The following TRAK1 variants were observed in gnomAD, a reference collection of about 807,000 sequenced individuals.
TRAK1 encodes trafficking kinesin-binding protein 1.
In TRAK1, 33 loss-of-function variants were observed where a neutral mutation model predicts 92.1. The observed-to-expected ratio is 0.36, with a 90% CI of 0.27 to 0.48. The LOEUF (loss-of-function observed/expected upper bound fraction) is 0.48. Ranked by LOEUF, TRAK1 falls within the 20% of genes least tolerant of loss-of-function variation. The pLI is 0.99. For missense variants in TRAK1, 1,123 were observed against 1,257.9 expected (o/e 0.89, Z 1.62); for synonymous variants, 521 against 517.3 (o/e 1.01, Z -0.10).
intron 1 of TRAK1, among the ~76,000 whole-genome samples, chr3:42,078,747 C>T (rs1216064419): frequency 2.6e-4 from 25 of 95,634 alleles, no homozygotes; most frequent in African/African-American, 7.0e-4. Context: ...AGGGAGATTC[C>T]ATCTCAAAAA....
chr3:42,128,845 A>G (rs974499580), intron 2 of TRAK1, among the ~76,000 whole-genome samples: 9 of 110,910 alleles, frequency 8.1e-5, no homozygotes. Flanking sequence ...ACAGTTGGGT[A>G]GAGCTGTTTT....
intron 1 of TRAK1, among the ~76,000 whole-genome samples, chr3:42,015,081 T>C (rs1259522740): frequency 6.6e-6 from 1 of 152,098 alleles, no homozygotes; most frequent in Non-Finnish European, 1.5e-5. Flanking sequence ...TCTCCCCAGA[T>C]TGAGTGAAGG....
chr3:42,016,796 A>G (rs765658422), intron 1 of TRAK1, among the ~76,000 whole-genome samples: 1 of 152,228 alleles, frequency 6.6e-6, no homozygotes, highest in Non-Finnish European at 1.5e-5. Flanking sequence ...CAAGTAAGAA[A>G]GGCATTGGAG....
At chr3:42,183,088 AG>A (rs1346614782) in intron 3 of TRAK1, among the ~76,000 whole-genome samples, 1 of 152,248 alleles carries the variant, frequency 6.6e-6, no homozygotes, top group Non-Finnish European at 1.5e-5. Context: ...GTACTCATAT[AG>A]GTGAATATGT....
intron 2 of TRAK1, among the ~76,000 whole-genome samples, chr3:42,163,521 T>TCG (rs1206894642): frequency 6.7e-6 from 1 of 149,914 alleles, no homozygotes; most frequent in Non-Finnish European, 1.5e-5. Flanking sequence ...TGAGCCAAGA[T>TCG]CGCGCCACTG....
At chr3:42,043,623 G>C (rs921366694) in intron 1 of TRAK1, among the ~76,000 whole-genome samples, 18 of 152,068 alleles carry the variant, frequency 1.2e-4, no homozygotes, top group Admixed American at 3.3e-4. Context: ...GCTGGGGGGG[G>C]GGCGGGGGGA....
At chr3:42,213,035 T>A (rs1017791112) in intron 14 of TRAK1, among the ~76,000 whole-genome samples, 1 of 151,518 alleles carries the variant, frequency 6.6e-6, no homozygotes, top group Admixed American at 6.6e-5. Flanking sequence ...AGTAGAACCA[T>A]GTCCTAATTG....
intron 2 of TRAK1, among the ~76,000 whole-genome samples, chr3:42,133,785 A>G (rs1350651363): frequency 6.6e-6 from 1 of 152,226 alleles, no homozygotes; most frequent in African/African-American, 2.4e-5. Context: ...TGTAGTGCAT[A>G]ATCCTCTTTT....
At chr3:42,073,443 A>G (rs1704021438) in intron 1 of TRAK1, among the ~76,000 whole-genome samples, 1 of 152,174 alleles carries the variant, frequency 6.6e-6, no homozygotes, top group Non-Finnish European at 1.5e-5. Context: ...TACATCTACA[A>G]TTATTTGAGA....
At chr3:42,077,396 C>A (rs1336490688) in intron 1 of TRAK1, among the ~76,000 whole-genome samples, 1 of 152,206 alleles carries the variant, frequency 6.6e-6, no homozygotes, top group Non-Finnish European at 1.5e-5. Context: ...TCAAGCAATT[C>A]TTTTGCCTCA....
intron 2 of TRAK1, among the ~76,000 whole-genome samples, chr3:42,162,901 T>A (rs1440721319): frequency 6.6e-6 from 1 of 152,222 alleles, no homozygotes; most frequent in African/African-American, 2.4e-5. Context: ...TTTATGTAGA[T>A]ACATGTATTA....
chr3:42,149,275 G>T, intron 2 of TRAK1: 1 of 1,362,368 alleles, frequency 7.3e-7, no homozygotes, highest in African/African-American at 1.5e-5. Flanking sequence ...TGGCAGTGCT[G>T]CCAGGGTCTC....
At chr3:42,050,184 T>TG (rs201181899) in intron 1 of TRAK1, among the ~76,000 whole-genome samples, 57 of 133,190 alleles carry the variant, frequency 4.3e-4, no homozygotes, top group African/African-American at 1.4e-3. Context: ...GAACTGAGGG[T>TG]GGGGGGGTGT....
At chr3:42,196,170 C>T (rs1042816897) in intron 10 of TRAK1, among the ~76,000 whole-genome samples, 3 of 152,234 alleles carry the variant, frequency 2.0e-5, no homozygotes, top group Non-Finnish European at 2.9e-5. Flanking sequence ...CTTGGCACAG[C>T]CCAGTTTTTG....
chr3:42,187,607 A>G (rs1705080655), intron 4 of TRAK1, among the ~76,000 whole-genome samples: 1 of 152,086 alleles, frequency 6.6e-6, no homozygotes, highest in East Asian at 1.9e-4. Context: ...AGCTGGGATT[A>G]CAGGCACATG....
intron 2 of TRAK1, among the ~76,000 whole-genome samples, chr3:42,148,023 AAC>A (rs146659030): frequency 0.21 from 31,840 of 149,954 alleles, 3,545 homozygotes; most frequent in African/African-American, 0.26. Flanking sequence ...CATACATAGA[AAC>A]ACACACACAC....
At chr3:42,173,163 ATT>A (rs1280806889) in intron 2 of TRAK1, among the ~76,000 whole-genome samples, 1 of 152,138 alleles carries the variant, frequency 6.6e-6, no homozygotes, top group Non-Finnish European at 1.5e-5. Context: ...AGAAAAAAAA[ATT>A]ATCGTAGAGG....
intron 1 of TRAK1, chr3:42,014,184 G>C (rs1701421125): frequency 6.6e-6 from 1 of 152,422 alleles, no homozygotes; most frequent in African/African-American, 2.4e-5. Context: ...AAGGACACGG[G>C]TGTTCTGGGA....
intron 1 of TRAK1, among the ~76,000 whole-genome samples, chr3:42,069,319 T>C (rs1185757955): frequency 4.3e-5 from 2 of 46,786 alleles, no homozygotes; most frequent in Non-Finnish European, 1.1e-4. Flanking sequence ...AGACCCTGTC[T>C]CAAAAAAAAA....
Sources: gnomAD v4.1 joint callset for allele counts (sites outside exome capture counted in the v4.1 genomes callset) on GRCh38, gnomAD v4.1.1 for gene constraint, MANE v1.5 for transcripts, NCBI Gene and HGNC (gene_info 2026-07-23, HGNC 2026-07-21) for gene names.